STIM1: variants seen among roughly 807,000 people sequenced by gnomAD.
STIM1 encodes the protein stromal interaction molecule 1.
In STIM1, 25 loss-of-function variants were observed where a neutral mutation model predicts 74.7. That is an observed-to-expected ratio of 0.33 (90% CI 0.24 to 0.47). STIM1 has a LOEUF of 0.47. Ranked by LOEUF, STIM1 falls within the 20% of genes least tolerant of loss-of-function variation. The pLI is 1.00. For missense variants in STIM1, 728 were observed against 920.8 expected, an observed-to-expected ratio of 0.79 and a Z score of 2.71; for synonymous variants, 328 against 348.8, an observed-to-expected ratio of 0.94 and a Z score of 0.66.
chr11:3,986,257 T>C (rs16929528), intron 2 of STIM1, among the ~76,000 whole-genome samples: 3,122 of 152,300 alleles, frequency 0.02, 108 homozygotes, highest in African/African-American at 0.071. Context: ...CTGAGGATGA[T>C]AGGAAACACT....
chr11:3,856,511 A>G (rs1358492353), intron 1 of STIM1, 102 bp downstream of exon 1: 16 of 1,425,802 alleles, frequency 1.1e-5, no homozygotes, highest in Non-Finnish European at 1.5e-5. Context: ...TGTGAGGTTC[A>G]TGGAGGATTC....
At chr11:3,906,858 G>A (rs1042634662) in intron 1 of STIM1, among the ~76,000 whole-genome samples, 26 of 152,120 alleles carry the variant, frequency 1.7e-4, no homozygotes, top group Non-Finnish European at 2.8e-4. Context: ...TTTAAGATAG[G>A]TACTATTAGT....
intron 1 of STIM1, among the ~76,000 whole-genome samples, chr11:3,896,694 G>C (rs2092189181): frequency 6.6e-6 from 1 of 152,210 alleles, no homozygotes; most frequent in South Asian, 2.1e-4. Flanking sequence ...ATAATTGGTG[G>C]TGGGGGAAAT....
intron 1 of STIM1, among the ~76,000 whole-genome samples, chr11:3,879,702 C>G (rs1254981511): frequency 6.6e-6 from 1 of 152,186 alleles, no homozygotes; most frequent in Non-Finnish European, 1.5e-5. Context: ...GAAACTATAT[C>G]TCAGGTTTAC....
rs372440542 is a variant in STIM1 at position 3,991,806 on chromosome 11, C to T, written c.270+24124C>T. 2.3e-3 allele frequency among the ~76,000 whole-genome samples: 351 copies of T among 151,496 alleles called. 2 individuals carry two copies. The highest frequency in any genetic ancestry group is 8.3e-3 in the African/African-American group (342 of 41,374). ...CTACTAAAAATACAAAAAAATTAGCCGGTCATGGTGGCGCATGCCTGTAAT... is the reference window on the plus strand; with the variant it reads ...CTACTAAAAATACAAAAAAATTAGCTGGTCATGGTGGCGCATGCCTGTAAT... On this transcript the variant is annotated intron_variant, in intron 2 of 12. Coordinates refer to ENST00000526596, the MANE Select transcript of STIM1 (RefSeq NM_001382567.1).
intron 1 of STIM1, among the ~76,000 whole-genome samples, chr11:3,928,256 C>T (rs1465646794): frequency 6.7e-6 from 1 of 148,218 alleles, no homozygotes; most frequent in Non-Finnish European, 1.5e-5. Flanking sequence ...GACAGAGTCT[C>T]ACTTTGTCGC....
chr11:3,908,082 C>A (rs574551974), intron 1 of STIM1, among the ~76,000 whole-genome samples: 1 of 152,338 alleles, frequency 6.6e-6, no homozygotes, highest in Non-Finnish European at 1.5e-5. Context: ...CTTGCACCCC[C>A]ACTCCCTGTT....
At chr11:3,990,283 G>T (rs2093598442) in intron 2 of STIM1, among the ~76,000 whole-genome samples, 1 of 152,118 alleles carries the variant, frequency 6.6e-6, no homozygotes, top group Non-Finnish European at 1.5e-5. Context: ...ATATTCTATT[G>T]CATGGACATA....
At chr11:3,989,705 T>C (rs796612318) in intron 2 of STIM1, among the ~76,000 whole-genome samples, 2 of 152,384 alleles carry the variant, frequency 1.3e-5, no homozygotes, top group African/African-American at 4.8e-5. Flanking sequence ...TAAAGTTTTA[T>C]TGGCATACAG....
At position 4,015,404 on chromosome 11, in the gene STIM1, A is replaced by G. The variant is rs532713688; in HGVS notation, c.271-8469A>G. On this transcript the variant is annotated intron_variant, in intron 2 of 12. Transcript: ENST00000526596. The stretch of plus-strand genomic sequence containing the variant: ...TCTTCTGGCTTGTAGGGTTTCTGCC[A>G]AGAGATCCACTGTTAGTCTGATGGG... 4.6e-3 allele frequency among the ~76,000 whole-genome samples: 699 copies of G among 152,112 alleles called. 3 individuals are homozygous for G. The highest frequency in any genetic ancestry group is 0.016 in the African/African-American group (667 of 41,468).
At chr11:3,926,792 C>T (rs2092794389) in intron 1 of STIM1, among the ~76,000 whole-genome samples, 2 of 152,282 alleles carry the variant, frequency 1.3e-5, no homozygotes, top group South Asian at 4.1e-4. Context: ...CTATGTCTTC[C>T]TGCCAATAGG....
chr11:3,983,104 T>C (rs571089808), intron 2 of STIM1, among the ~76,000 whole-genome samples: 169 of 152,190 alleles, frequency 1.1e-3, no homozygotes, highest in African/African-American at 3.9e-3. Flanking sequence ...GCTAATGTTT[T>C]TGTGTTTTTA....
chr11:3,894,931 T>C (rs2092013777), intron 1 of STIM1, among the ~76,000 whole-genome samples: 1 of 122,184 alleles, frequency 8.2e-6, no homozygotes, highest in South Asian at 2.6e-4. Context: ...TTTTTTTTAG[T>C]AGAGACAGGG....
At chr11:4,049,017 A>G (rs1590673164) in intron 3 of STIM1, among the ~76,000 whole-genome samples, 1 of 152,244 alleles carries the variant, frequency 6.6e-6, no homozygotes, top group East Asian at 1.9e-4. Context: ...TACAGGCGTA[A>G]GCCACTGCAC....
intron 1 of STIM1, among the ~76,000 whole-genome samples, chr11:3,939,525 A>G (rs61897166): frequency 0.032 from 4,857 of 152,294 alleles, 187 homozygotes; most frequent in East Asian, 0.18. Flanking sequence ...TTAAAAAAAT[A>G]CAGCTTTTTT....
intron 4 of STIM1, chr11:4,059,061 T>A: frequency 1.2e-6 from 1 of 847,318 alleles, no homozygotes; most frequent in South Asian, 1.8e-5. Context: ...GCTTAGAAGT[T>A]GGTGGATATG....
chr11:4,033,879 G>A lies in STIM1; in HGVS notation c.385+9892G>A, dbSNP rs113982279. On this transcript the variant is annotated intron_variant, in intron 3 of 12. Coordinates refer to ENST00000526596, the MANE Select transcript of STIM1 (RefSeq NM_001382567.1). The stretch of plus-strand genomic sequence containing the variant: ...CTCCCAAAGTGCCAGGATTACAGGC[G>A]TGAGCCACTGTGCCTGGCTGTTTCT... Among the ~76,000 whole-genome samples the A allele has an allele frequency of 5.5e-3, 834 of 151,964 alleles. 5 individuals carry two copies. Among genetic ancestry groups the A allele is most frequent in the African/African-American group, 0.019 (782 of 41,494 alleles).
intron 4 of STIM1, among the ~76,000 whole-genome samples, chr11:4,058,088 C>T (rs2920137): frequency 0.79 from 120,081 of 152,114 alleles, 50,204 homozygotes; most frequent in East Asian, 0.95. Flanking sequence ...GTAGAAAAGA[C>T]GACAATGTTT....
intron 1 of STIM1, chr11:3,867,915 G>T (rs2090924039): frequency 6.6e-6 from 1 of 152,274 alleles, no homozygotes; most frequent in Non-Finnish European, 1.5e-5. Flanking sequence ...TTTTCTCAGT[G>T]TGATTCAGTA....
Sources: gnomAD v4.1 joint callset for allele counts (sites outside exome capture counted in the v4.1 genomes callset) on GRCh38, gnomAD v4.1.1 for gene constraint, MANE v1.5 for transcripts, NCBI Gene and HGNC (gene_info 2026-07-23, HGNC 2026-07-21) for gene names.